ADAM12: variants seen among roughly 807,000 people sequenced by gnomAD.
ADAM12 encodes disintegrin and metalloproteinase domain-containing protein 12.
In ADAM12, 70 loss-of-function variants were observed where a neutral mutation model predicts 106.4. The observed-to-expected ratio is 0.66, with a 90% CI of 0.54 to 0.80. ADAM12 has a LOEUF of 0.80. ADAM12 is among the 30% of genes least tolerant of loss of function. The pLI, the probability that ADAM12 is intolerant of heterozygous loss-of-function variation, is 0.00. For missense variants in ADAM12, 1,010 were observed against 1,171.9 expected, an observed-to-expected ratio of 0.86 and a Z score of 2.02; for synonymous variants, 420 against 433.5, an observed-to-expected ratio of 0.97 and a Z score of 0.39.
chr10:126,124,271 T>C (rs1322775964), intron 5 of ADAM12, among the ~76,000 whole-genome samples: 1 of 151,728 alleles, frequency 6.6e-6, no homozygotes, highest in Non-Finnish European at 1.5e-5. Context: ...GAAAAGCAGT[T>C]GGCTTGAAAT....
At chr10:126,351,606 T>C (rs187560759) in intron 1 of ADAM12, among the ~76,000 whole-genome samples, 2 of 152,224 alleles carry the variant, frequency 1.3e-5, no homozygotes, top group African/African-American at 4.8e-5. Context: ...ACCTCCCACA[T>C]GCTACATCAA....
chr10:126,173,491 T>C (rs745422497), intron 3 of ADAM12, among the ~76,000 whole-genome samples: 3 of 152,134 alleles, frequency 2.0e-5, no homozygotes, highest in Non-Finnish European at 4.4e-5. Context: ...ACCCCCAAGA[T>C]GCCGGTAACT....
chr10:126,192,299 T>G (rs1250509540), intron 3 of ADAM12, among the ~76,000 whole-genome samples: 1 of 152,204 alleles, frequency 6.6e-6, no homozygotes, highest in East Asian at 1.9e-4. Context: ...GAATAGTGCC[T>G]GGTACATAGT....
intron 3 of ADAM12, among the ~76,000 whole-genome samples, chr10:126,175,983 A>G (rs1957213214): frequency 6.6e-6 from 1 of 152,208 alleles, no homozygotes; most frequent in South Asian, 2.1e-4. Flanking sequence ...TGTGATGGAA[A>G]TCAACATTGT....
rs551363756 is a variant in ADAM12, at chr10:126,326,419, C to T, written c.186+3993G>A. Among the ~76,000 whole-genome samples the T allele has an allele frequency of 1.8e-4, 28 of 152,252 alleles. No homozygotes were observed. In the East Asian group the frequency reaches 2.9e-3, roughly 16 times the overall value. On this transcript the variant is annotated intron_variant, in intron 2 of 22. Coordinates refer to ENST00000448723, the MANE Select transcript of ADAM12 (RefSeq NM_001288973.2). ...TCTTTGGGGGTGTATATGATGGAAG[C>T]TCCTGCCACCTATGTAGCCAGGGCC...
intron 3 of ADAM12, among the ~76,000 whole-genome samples, chr10:126,183,344 T>C (rs1437824534): frequency 6.6e-6 from 1 of 152,184 alleles, no homozygotes; most frequent in African/African-American, 2.4e-5. Flanking sequence ...AAAAAGTGTC[T>C]TCCACAAAAC....
chr10:126,044,294 T>A (rs181571771), intron 17 of ADAM12, among the ~76,000 whole-genome samples: 3,365 of 150,222 alleles, frequency 0.022, 69 homozygotes, highest in Non-Finnish European at 0.033. Flanking sequence ...AAAAAAAAGT[T>A]AAAAAAAATT....
chr10:126,027,543 A>G (rs1041719242), intron 21 of ADAM12, among the ~76,000 whole-genome samples: 2 of 152,224 alleles, frequency 1.3e-5, no homozygotes, highest in African/African-American at 4.8e-5. Flanking sequence ...CTTCGTCCCA[A>G]GATGCAAGGT....
chr10:126,073,851 A>C (rs1955048460), intron 11 of ADAM12, among the ~76,000 whole-genome samples: 1 of 152,254 alleles, frequency 6.6e-6, no homozygotes, highest in Non-Finnish European at 1.5e-5. Flanking sequence ...TCCTGGTATC[A>C]AAATATACTA....
intron 3 of ADAM12, among the ~76,000 whole-genome samples, chr10:126,193,594 C>T (rs915691511): frequency 2.6e-5 from 4 of 152,102 alleles, no homozygotes; most frequent in African/African-American, 9.7e-5. Flanking sequence ...CATTATCACA[C>T]CTTTTAAACA....
chr10:126,173,194 G>A lies in ADAM12; in HGVS notation c.261-17889C>T, dbSNP rs544530772. Among the ~76,000 whole-genome samples, 49 of 152,150 alleles carry A rather than the reference G, an allele frequency of 3.2e-4. No individual in the cohort carries two copies. In the South Asian group the frequency reaches 4.4e-3, roughly 14 times the overall value. On this transcript the variant is annotated intron_variant, in intron 3 of 22. Transcript: ENST00000448723. ...TGGGTGCAGCAAACCACCATGGCAC[G>A]TGTATACCTATGTAACGAACCTGCA... is the stretch of plus-strand genomic sequence containing the variant.
At chr10:126,323,132 T>C (rs772075194) in intron 2 of ADAM12, among the ~76,000 whole-genome samples, 14 of 152,208 alleles carry the variant, frequency 9.2e-5, no homozygotes, top group Non-Finnish European at 1.8e-4. Context: ...GTAGGTATTT[T>C]AGTCATTACA....
At chr10:126,255,709 C>T (rs972855077) in intron 3 of ADAM12, among the ~76,000 whole-genome samples, 10 of 152,372 alleles carry the variant, frequency 6.6e-5, no homozygotes, top group African/African-American at 2.4e-4. Context: ...CCCAACAAAG[C>T]ACCTGGCTCC....
chr10:126,059,832 T>C (rs970976508), intron 14 of ADAM12, among the ~76,000 whole-genome samples: 2 of 152,206 alleles, frequency 1.3e-5, no homozygotes, highest in African/African-American at 4.8e-5. Flanking sequence ...TGCTGGTGGT[T>C]CTCACAAAAA....
At chr10:126,245,960 A>G (rs149247946) in intron 3 of ADAM12, among the ~76,000 whole-genome samples, 384 of 152,272 alleles carry the variant, frequency 2.5e-3, no homozygotes, top group African/African-American at 8.8e-3. Flanking sequence ...CTGGGAATGG[A>G]TGGATGAACA....
intron 1 of ADAM12, among the ~76,000 whole-genome samples, chr10:126,376,290 G>T (rs1251116622): frequency 2.0e-5 from 3 of 151,974 alleles, no homozygotes; most frequent in East Asian, 1.9e-4. Context: ...TGAATTCAAA[G>T]TCAACCTACA....
chr10:126,105,441 T>C (rs112158775), intron 8 of ADAM12, among the ~76,000 whole-genome samples: 3,468 of 152,250 alleles, frequency 0.023, 106 homozygotes, highest in East Asian at 0.084. Context: ...CTGAGGCCGT[T>C]GGGGCAATGG....
At chr10:126,078,980 C>T (rs1053382319) in intron 11 of ADAM12, among the ~76,000 whole-genome samples, 2 of 152,180 alleles carry the variant, frequency 1.3e-5, no homozygotes, top group African/African-American at 2.4e-5. Flanking sequence ...ACAAATCCTG[C>T]TGTGATCCCA....
intron 3 of ADAM12, among the ~76,000 whole-genome samples, chr10:126,216,355 G>T (rs1177727700): frequency 1.3e-5 from 2 of 152,164 alleles, no homozygotes; most frequent in Non-Finnish European, 2.9e-5. Flanking sequence ...GAACTTCAAA[G>T]AATTCCCATA....
Sources: gnomAD v4.1 joint callset for allele counts (sites outside exome capture counted in the v4.1 genomes callset) on GRCh38, gnomAD v4.1.1 for gene constraint, MANE v1.5 for transcripts, NCBI Gene and HGNC (gene_info 2026-07-23, HGNC 2026-07-21) for gene names.